Variants in ZNF512 observed in about 807,000 individuals in gnomAD.
ZNF512 encodes the protein zinc finger protein 512.
A neutral mutation model predicts 77.5 loss-of-function variants in ZNF512; 25 were observed. The observed-to-expected ratio is 0.32, with a 90% CI of 0.23 to 0.45. The LOEUF is 0.45. ZNF512 is among the 20% of genes least tolerant of loss of function. The pLI is 1.00. For synonymous variants in ZNF512, 246 were observed against 239.9 expected (o/e 1.03, Z -0.24); for missense variants, 483 against 692.6 (o/e 0.70, Z 3.40).
chr2:27,607,949 A>G lies in ZNF512; in HGVS notation c.1041A>G (p.Val347=). 6.2e-7 allele frequency: 1 copy of G among 1,614,080 alleles called. No homozygotes were observed. ...RVQRRSAKIA[V]YHLQELASAE... is the part of the protein sequence containing the mutation. ...AGAGACGTTCTGCCAAGATAGCTGT[A>G]TACCACCTACAGGAGCTGGCCTCTG... is the stretch of plus-strand genomic sequence containing the variant. The change falls in exon 10 of 14, where the codon GTA becomes GTG. Residue 347 remains valine (V), a synonymous_variant. Coordinates refer to ENST00000355467, the MANE Select transcript of ZNF512 (RefSeq NM_032434.4).
In ZNF512 at chr2:27,583,069, G is replaced by T. The variant is rs1440237167; in HGVS notation, c.-44G>T. The T allele has an allele frequency of 9.3e-6, 15 of 1,613,576 alleles. No homozygotes were observed. Among genetic ancestry groups the T allele is most frequent in the Non-Finnish European group, 1.3e-5 (15 of 1,179,584 alleles). On this transcript the variant is annotated 5_prime_UTR_variant, in exon 1 of 14. Coordinates refer to ENST00000355467, the MANE Select transcript of ZNF512 (RefSeq NM_032434.4). ...AGGAGAGCGGAAGTGGCGTTGGTCT[G>T]GCCGGAGCCCTTGGGTGAAATTGTT...
At chr2:27,589,159 G>T (rs1220845755) in intron 2 of ZNF512, among the ~76,000 whole-genome samples, 1 of 152,140 alleles carries the variant, frequency 6.6e-6, no homozygotes, top group Non-Finnish European at 1.5e-5. Flanking sequence ...TAATCTGCAA[G>T]TAGGGACAGT....
At chr2:27,598,384 C>A in intron 3 of ZNF512, 130 bp downstream of exon 3, 2 of 906,880 alleles carry the variant, frequency 2.2e-6, no homozygotes, top group Non-Finnish European at 3.2e-6. Context: ...AATCCCAGCA[C>A]TTTGGGAGGT....
chr2:27,612,038 G>A (rs1672688866), intron 10 of ZNF512, among the ~76,000 whole-genome samples: 1 of 151,946 alleles, frequency 6.6e-6, no homozygotes, highest in African/African-American at 2.4e-5. Context: ...AGTTTCCATC[G>A]TTTTTTCTAT....
In ZNF512 at chr2:27,602,516, C is replaced by G. The variant is rs145049852; in HGVS notation, c.723C>G (p.Leu241=). 6.2e-7 allele frequency: 1 copy of G among 1,613,904 alleles called. No individual in the cohort carries two copies. The highest frequency in any genetic ancestry group is 8.5e-7 in the Non-Finnish European group (1 of 1,179,996). ...ATGAGCCAAGTGAGAGGGAAAGGCT[C>G]CGAACAGTTCTAAAGAGACTGGGAA... ...EIDEPSERER[L]RTVLKRLGKL... is the part of the protein sequence containing the mutation. Residue 241 remains leucine, a synonymous_variant, in exon 8 of 14, where the codon CTC becomes CTG. Coordinates refer to ENST00000355467, the MANE Select transcript of ZNF512 (RefSeq NM_032434.4).
At chr2:27,587,073 A>C (rs1166898675) in intron 2 of ZNF512, among the ~76,000 whole-genome samples, 1 of 152,090 alleles carries the variant, frequency 6.6e-6, no homozygotes, top group African/African-American at 2.4e-5. Context: ...TCTTTTGATA[A>C]ATATCTAAGA....
chr2:27,608,112 A>C (rs1672448524), intron 10 of ZNF512, 73 bp downstream of exon 10: 6 of 1,390,916 alleles, frequency 4.3e-6, no homozygotes, highest in Non-Finnish European at 5.7e-6. Flanking sequence ...AGAGAAGTAA[A>C]TGCACTTGAG....
chr2:27,597,418 T>G (rs1671920738), intron 2 of ZNF512, among the ~76,000 whole-genome samples: 1 of 152,230 alleles, frequency 6.6e-6, no homozygotes, highest in South Asian at 2.1e-4. Context: ...GAAGAATGTC[T>G]GATGCTTTGT....
At chr2:27,610,536 A>ATGTGTGTG (rs1173871560) in intron 10 of ZNF512, among the ~76,000 whole-genome samples, 4 of 65,128 alleles carry the variant, frequency 6.1e-5, no homozygotes, top group African/African-American at 1.6e-4. Flanking sequence ...GTGTATATAT[A>ATGTGTGTG]TGTGTGTGTA....
chr2:27,583,327 T>C, intron 1 of ZNF512, 185 bp downstream of exon 1: 1 of 1,261,528 alleles, frequency 7.9e-7, no homozygotes, highest in Non-Finnish European at 1.1e-6. Context: ...CCCCACCTCC[T>C]TGGATTTAAT....
intron 2 of ZNF512, among the ~76,000 whole-genome samples, chr2:27,585,815 A>G (rs116791882): frequency 0.011 from 1,622 of 152,352 alleles, 16 homozygotes; most frequent in Non-Finnish European, 0.015. Flanking sequence ...AATAAATGCA[A>G]TTATGATAGT....
At chr2:27,597,821 A>G (rs550218963) in intron 2 of ZNF512, among the ~76,000 whole-genome samples, 20 of 152,232 alleles carry the variant, frequency 1.3e-4, no homozygotes, top group Non-Finnish European at 2.2e-4. Context: ...AGGAATGTCT[A>G]CTTGGGCTGC....
intron 10 of ZNF512, among the ~76,000 whole-genome samples, chr2:27,612,744 C>T (rs1672719143): frequency 6.6e-6 from 1 of 152,046 alleles, no homozygotes; most frequent in Non-Finnish European, 1.5e-5. Flanking sequence ...TCTGTATTTG[C>T]GTATACTTCT....
intron 5 of ZNF512, 115 bp from the exon 6 acceptor site, chr2:27,600,576 G>A: frequency 7.9e-7 from 1 of 1,263,106 alleles, no homozygotes; most frequent in Non-Finnish European, 1.1e-6. Flanking sequence ...CTTCATCGCA[G>A]TCTACCAGGA....
At chr2:27,601,318 T>C (rs1672105941) in intron 6 of ZNF512, 38 bp from the exon 7 acceptor site, 1 of 1,483,038 alleles carries the variant, frequency 6.7e-7, no homozygotes, top group Non-Finnish European at 9.3e-7. Flanking sequence ...TGTTTCTCTG[T>C]GGAACAACCT....
In ZNF512 at chr2:27,615,184, C is replaced by T; in HGVS notation, c.1148C>T (p.Pro383Leu). ...GTCTTGTAGTTAAAATATACTCGTC[C>T]AGGGCTCCCTACCTTCAGCCAGGAA... is the stretch of plus-strand genomic sequence containing the variant. Reference protein sequence around the residue: ...PDDRKLKYTRPGLPTFSQEVL... With the variant: ...PDDRKLKYTRLGLPTFSQEVL... Residue 383 changes from proline to leucine, a missense_variant, in exon 11 of 14, where the codon CCA becomes CTA. This residue lies in a region of ZNF512 where 324 missense variants were observed against 525.0 expected (regional missense o/e 0.62). Transcript: ENST00000355467. 2 of 1,599,864 alleles carry T rather than the reference C, an allele frequency of 1.3e-6. No individual in the cohort carries two copies. Among genetic ancestry groups the T allele is most frequent in the Non-Finnish European group, 1.7e-6 (2 of 1,171,764 alleles).
At chr2:27,602,689 A>T (rs1378231709) in intron 8 of ZNF512, 128 bp downstream of exon 8, 1 of 707,402 alleles carries the variant, frequency 1.4e-6, no homozygotes, top group East Asian at 2.9e-5. Context: ...CTCTTGAATC[A>T]TTAATAGTTG....
intron 12 of ZNF512, 109 bp downstream of exon 12, chr2:27,616,433 C>A: frequency 1.2e-6 from 1 of 851,500 alleles, no homozygotes; most frequent in African/African-American, 1.7e-5. Context: ...CCATTATCTT[C>A]AGAGGCTGCT....
intron 2 of ZNF512, among the ~76,000 whole-genome samples, chr2:27,597,165 CTA>C (rs1017302114): frequency 6.6e-6 from 1 of 152,206 alleles, no homozygotes; most frequent in African/African-American, 2.4e-5. Context: ...GCAAACCTCT[CTA>C]TGTGTAATTC....
Sources: allele counts gnomAD v4.1 joint callset (sites outside exome capture counted in the v4.1 genomes callset), GRCh38; gene constraint gnomAD v4.1.1; regional missense constraint gnomAD v4.1.1; transcripts MANE v1.5; gene names NCBI Gene and HGNC (gene_info 2026-07-23, HGNC 2026-07-21).